Variants in MYO16 observed in about 807,000 individuals in gnomAD.
MYO16 encodes the protein myosin XVI.
Under a neutral mutation model 205.3 loss-of-function variants are expected in MYO16, and 94 were observed. That is an observed-to-expected ratio of 0.46 (90% CI 0.39 to 0.54). The LOEUF is 0.54. Ranked by LOEUF, MYO16 falls within the 20% of genes least tolerant of loss-of-function variation. The probability of loss-of-function intolerance (pLI) is 0.00; values close to 1 mark genes in which losing one functional copy is unlikely to be tolerated. For missense variants in MYO16, 2,315 were observed against 2,387.5 expected, an observed-to-expected ratio of 0.97 and a Z score of 0.63; for synonymous variants, 988 against 954.0, an observed-to-expected ratio of 1.04 and a Z score of -0.66.
At chr13:108,545,291 A>G in the MYO16 span, among the ~76,000 whole-genome samples, 1 of 152,328 alleles carries the variant, frequency 6.6e-6, no homozygotes, top group South Asian at 2.1e-4. Context: ...TTTGCCTACA[A>G]TAATCGCCTT....
intron 4 of MYO16, among the ~76,000 whole-genome samples, chr13:108,755,397 AT>A (rs1350032611): frequency 6.6e-6 from 1 of 152,162 alleles, no homozygotes; most frequent in Admixed American, 6.5e-5. Flanking sequence ...AAAAGGTTTC[AT>A]TTTTATGAGA....
At chr13:108,976,689 A>G (rs1342304562) in intron 20 of MYO16, among the ~76,000 whole-genome samples, 2 of 152,224 alleles carry the variant, frequency 1.3e-5, no homozygotes, top group Admixed American at 6.6e-5. Flanking sequence ...TTTCAAATGC[A>G]TTATAGAATA....
At chr13:108,675,456 G>T (rs1882161059) in intron 2 of MYO16, among the ~76,000 whole-genome samples, 1 of 152,164 alleles carries the variant, frequency 6.6e-6, no homozygotes, top group African/African-American at 2.4e-5. Flanking sequence ...TGAAGTGAAT[G>T]TATGGCTTAA....
At chr13:108,565,988 CTT>C in the MYO16 span, among the ~76,000 whole-genome samples, 2 of 143,704 alleles carry the variant, frequency 1.4e-5, no homozygotes, top group African/African-American at 2.5e-5. Flanking sequence ...TGGCCTGTAG[CTT>C]TTTTTTTTTA....
At chr13:108,567,796 A>T in the MYO16 span, among the ~76,000 whole-genome samples, 2 of 152,002 alleles carry the variant, frequency 1.3e-5, no homozygotes, top group Admixed American at 1.3e-4. Context: ...CACAATCATC[A>T]CCCCACTACC....
intron 4 of MYO16, among the ~76,000 whole-genome samples, chr13:108,738,721 A>G (rs1884792822): frequency 6.6e-6 from 1 of 152,134 alleles, no homozygotes; most frequent in African/African-American, 2.4e-5. Flanking sequence ...TGATCTGTGT[A>G]ATATTGACAG....
In MYO16 at chr13:108,857,582, A is replaced by G. The variant is rs565390800; in HGVS notation, c.1359+2029A>G. On this transcript the variant is annotated intron_variant, in intron 11 of 34. Transcript: ENST00000457511. ...TACAACTTTCCTAGAAATCTTTGACAAAACATAGTTGTTTATGCACTTCTC... is the reference window on the plus strand; with the variant it reads ...TACAACTTTCCTAGAAATCTTTGACGAAACATAGTTGTTTATGCACTTCTC... 2.0e-5 allele frequency among the ~76,000 whole-genome samples: 3 copies of G among 152,360 alleles called. No individual in the cohort carries two copies. In the South Asian group the frequency reaches 6.2e-4, roughly 32 times the overall value.
chr13:108,524,389 C>T, the MYO16 span, among the ~76,000 whole-genome samples: 16 of 152,196 alleles, frequency 1.1e-4, no homozygotes, highest in East Asian at 1.9e-4. Context: ...CTTCTGTTTT[C>T]GCCATGTGAA....
chr13:109,197,647 A>G (rs1880215282), intron 34 of MYO16, among the ~76,000 whole-genome samples: 3 of 152,160 alleles, frequency 2.0e-5, no homozygotes, highest in African/African-American at 7.2e-5. Context: ...CTTGTAATAT[A>G]CATGATACTT....
chr13:109,091,088 G>T (rs996466706), intron 27 of MYO16, among the ~76,000 whole-genome samples: 2 of 152,158 alleles, frequency 1.3e-5, no homozygotes, highest in African/African-American at 4.8e-5. Flanking sequence ...TGTGTTTACT[G>T]TGAGAGCTGG....
chr13:108,980,425 CT>C (rs1222824590), intron 20 of MYO16, among the ~76,000 whole-genome samples: 1 of 152,150 alleles, frequency 6.6e-6, no homozygotes, highest in Non-Finnish European at 1.5e-5. Flanking sequence ...TTAGCCGAAT[CT>C]TTGTTTATTA....
At chr13:109,137,168 G>C (rs1375856706) in intron 31 of MYO16, among the ~76,000 whole-genome samples, 1 of 152,144 alleles carries the variant, frequency 6.6e-6, no homozygotes, top group East Asian at 1.9e-4. Flanking sequence ...CCACAGCATG[G>C]CTGCTTCAGG....
chr13:108,507,850 A>C, the MYO16 span, among the ~76,000 whole-genome samples: 1 of 152,034 alleles, frequency 6.6e-6, no homozygotes, highest in African/African-American at 2.4e-5. Flanking sequence ...ATTATTATCT[A>C]CCTTCTGATT....
chr13:108,680,973 G>A (rs1256883996), intron 2 of MYO16, among the ~76,000 whole-genome samples: 2 of 152,178 alleles, frequency 1.3e-5, no homozygotes. Flanking sequence ...CATGTCAAAT[G>A]TCCTTCTCAT....
intron 22 of MYO16, among the ~76,000 whole-genome samples, chr13:109,012,378 G>C (rs1028863827): frequency 2.0e-5 from 3 of 152,136 alleles, no homozygotes; most frequent in Admixed American, 2.0e-4. Flanking sequence ...TCCAGCTCCT[G>C]TCAAATCAGT....
chr13:108,730,285 A>G (rs1354097408), intron 4 of MYO16, among the ~76,000 whole-genome samples: 3 of 152,154 alleles, frequency 2.0e-5, no homozygotes, highest in Non-Finnish European at 4.4e-5. Context: ...CTGCTGCCCT[A>G]TGAAGAGGTG....
chr13:109,180,897 G>A (rs1393441235), intron 34 of MYO16, among the ~76,000 whole-genome samples: 2 of 152,174 alleles, frequency 1.3e-5, no homozygotes, highest in African/African-American at 4.8e-5. Context: ...ATGAACACTG[G>A]TTTGATTTTT....
At chr13:108,728,637 C>T (rs1668686882) in intron 4 of MYO16, among the ~76,000 whole-genome samples, 1 of 152,208 alleles carries the variant, frequency 6.6e-6, no homozygotes, top group Non-Finnish European at 1.5e-5. Flanking sequence ...CCTCCATCAG[C>T]ACATGACTTT....
chr13:108,852,662 T>C (rs1877943896), intron 10 of MYO16, among the ~76,000 whole-genome samples: 1 of 152,046 alleles, frequency 6.6e-6, no homozygotes. Context: ...CTCACCCGCA[T>C]CCCTCCCGCC....
Sources: allele counts gnomAD v4.1 joint callset (sites outside exome capture counted in the v4.1 genomes callset), GRCh38; gene constraint gnomAD v4.1.1; transcripts MANE v1.5; gene names NCBI Gene and HGNC (gene_info 2026-07-23, HGNC 2026-07-21).